CDH8: variants seen among roughly 807,000 people sequenced by gnomAD.
The protein encoded by CDH8 is cadherin 8.
In CDH8, 17 loss-of-function variants were observed where a neutral mutation model predicts 68.1. The observed-to-expected ratio is 0.25, with a 90% CI of 0.17 to 0.37. CDH8 has a LOEUF of 0.37. Ranked by LOEUF, CDH8 falls within the 10% of genes least tolerant of loss-of-function variation. CDH8 has a pLI of 1.00. For synonymous variants in CDH8, 372 were observed against 365.1 expected, an observed-to-expected ratio of 1.02 and a Z score of -0.21; for missense variants, 763 against 999.3, an observed-to-expected ratio of 0.76 and a Z score of 3.19.
rs1300690507 is a variant in CDH8, at chr16:61,864,346, A to G, written c.548-7108T>C. ...GGTTGGTTGGTTGGTTGGTTGGTTG[A>G]TTGAAAGTCTCCACCCCCTCCCCAT... On this transcript the variant is annotated intron_variant, in intron 3 of 11. Transcript: ENST00000577390. 4.7e-5 allele frequency among the ~76,000 whole-genome samples: 7 copies of G among 148,302 alleles called. No homozygotes were observed. The East Asian group carries it at 8.0e-4, about 17-fold the overall frequency.
chr16:61,731,319 C>T (rs1358256816), intron 8 of CDH8, among the ~76,000 whole-genome samples: 2 of 151,632 alleles, frequency 1.3e-5, no homozygotes, highest in Non-Finnish European at 3.0e-5. Flanking sequence ...GGAAAAATAA[C>T]AAATCTCAAA....
intron 9 of CDH8, among the ~76,000 whole-genome samples, chr16:61,724,230 T>C (rs543805572): frequency 6.6e-6 from 1 of 150,858 alleles, no homozygotes; most frequent in Non-Finnish European, 1.5e-5. Context: ...CCAATTCTAC[T>C]TTCAAATTGA....
chr16:61,686,329 C>G (rs1404313774), intron 10 of CDH8, among the ~76,000 whole-genome samples: 1 of 152,020 alleles, frequency 6.6e-6, no homozygotes, highest in Non-Finnish European at 1.5e-5. Flanking sequence ...GTCACCTACG[C>G]TATACAGGGC....
intron 8 of CDH8, among the ~76,000 whole-genome samples, chr16:61,771,507 A>T (rs1226703517): frequency 6.0e-5 from 9 of 150,690 alleles, no homozygotes; most frequent in African/African-American, 1.9e-4. Context: ...TTTTTTAACC[A>T]ATTTTTCTTT....
intron 1 of CDH8, among the ~76,000 whole-genome samples, chr16:62,027,792 T>A (rs1902229232): frequency 6.6e-6 from 1 of 152,200 alleles, no homozygotes; most frequent in Non-Finnish European, 1.5e-5. Context: ...TTTATTCAAA[T>A]ATAAATAATA....
Position 61,653,247 on chromosome 16 carries a change from G to C in CDH8, c.*361C>G. 1 of 1,175,158 alleles carries C rather than the reference G, an allele frequency of 8.5e-7. No individual in the cohort carries two copies. Among genetic ancestry groups the C allele is most frequent in the South Asian group, 4.1e-5 (1 of 24,166 alleles). The allele number at this position is 1,175,158 out of a possible 1,614,324, so 72.8% of individuals were successfully genotyped here. ...TCAGCAGCAGATTCCTTGCAGGTCC[G>C]TATTTTTTTTTCTAAGAAAGCACCT... is the stretch of plus-strand genomic sequence containing the variant. On this transcript the variant is annotated 3_prime_UTR_variant, in exon 12 of 12. Transcript: ENST00000577390.
chr16:61,670,519 C>A (rs959232388), intron 10 of CDH8, among the ~76,000 whole-genome samples: 2 of 151,960 alleles, frequency 1.3e-5, no homozygotes, highest in Non-Finnish European at 2.9e-5. Context: ...CTTATTATTA[C>A]ACTAATTTTT....
At chr16:61,877,568 T>C (rs779631607) in intron 3 of CDH8, among the ~76,000 whole-genome samples, 1 of 152,174 alleles carries the variant, frequency 6.6e-6, no homozygotes, top group Non-Finnish European at 1.5e-5. Context: ...AGTAGAGACA[T>C]TGTGAGTCAA....
At chr16:61,890,518 G>A (rs1446131688) in intron 3 of CDH8, among the ~76,000 whole-genome samples, 1 of 152,110 alleles carries the variant, frequency 6.6e-6, no homozygotes, top group Non-Finnish European at 1.5e-5. Flanking sequence ...AGAGATATAG[G>A]TTTCTAAATC....
intron 2 of CDH8, among the ~76,000 whole-genome samples, chr16:61,970,069 T>G (rs567656492): frequency 2.6e-5 from 4 of 152,354 alleles, no homozygotes; most frequent in Non-Finnish European, 4.4e-5. Context: ...ATATTAAACA[T>G]GCTCCACAAT....
chr16:61,726,330 C>T (rs1959364803), intron 9 of CDH8: 1 of 150,870 alleles, frequency 6.6e-6, no homozygotes, highest in Non-Finnish European at 1.5e-5. Flanking sequence ...TTTACACAGG[C>T]TATTTCCATT....
At position 62,021,138 on chromosome 16, in the gene CDH8, A is replaced by G. The variant is rs1181385607; in HGVS notation, c.252+14T>C. On this transcript the variant is annotated intron_variant, in intron 2 of 11. Transcript: ENST00000577390. ...AACAGACCCTGAAATTGAGATCTTA[A>G]AAACAAAGCTTACCCGGCCAACAAG... 1 of 1,612,550 alleles carries G rather than the reference A, an allele frequency of 6.2e-7. No homozygotes were observed. Among genetic ancestry groups the G allele is most frequent in the Admixed American group, 1.7e-5 (1 of 59,844 alleles).
chr16:61,995,174 A>G (rs1965788340), intron 2 of CDH8, among the ~76,000 whole-genome samples: 1 of 152,200 alleles, frequency 6.6e-6, no homozygotes, highest in South Asian at 2.1e-4. Context: ...AGACATAGAA[A>G]TTATTTCTTG....
intron 8 of CDH8, among the ~76,000 whole-genome samples, chr16:61,740,011 G>C (rs892777692): frequency 2.0e-5 from 3 of 150,278 alleles, no homozygotes; most frequent in Non-Finnish European, 4.4e-5. Flanking sequence ...GGGTTCAAGT[G>C]ATTCTCCCGC....
At chr16:61,997,045 C>T (rs1965817451) in intron 2 of CDH8, among the ~76,000 whole-genome samples, 2 of 151,500 alleles carry the variant, frequency 1.3e-5, no homozygotes, top group Non-Finnish European at 2.9e-5. Flanking sequence ...AAGTATAATC[C>T]TTTTCTGAGG....
Position 62,017,661 on chromosome 16 carries a change from C to T in CDH8, c.252+3491G>A, listed in dbSNP as rs115131350. 2.7e-3 allele frequency among the ~76,000 whole-genome samples: 407 copies of T among 152,238 alleles called. 2 individuals carry two copies. Among genetic ancestry groups the T allele is most frequent in the African/African-American group, 9.3e-3 (385 of 41,504 alleles). On this transcript the variant is annotated intron_variant, in intron 2 of 11. Transcript: ENST00000577390. ...CTGGACTCCAGCTTGAGTGACAGAG[C>T]AAGACCTTATCTTAAAAAGAAACCA...
In CDH8 at chr16:62,005,245, A is replaced by G. The variant is rs1276716117; in HGVS notation, c.252+15907T>C. Among the ~76,000 whole-genome samples, 3 of 152,328 alleles carry G rather than the reference A, an allele frequency of 2.0e-5. No individual in the cohort carries two copies. In the East Asian group the frequency reaches 5.8e-4, roughly 29 times the overall value. On this transcript the variant is annotated intron_variant, in intron 2 of 11. Transcript: ENST00000577390. ...AATCCAAGCCTAGCGAAGTATTCCT[A>G]TAGGAAGACAGCTGCAAAAGCCTTC...
At chr16:61,768,305 T>C (rs930719012) in intron 8 of CDH8, among the ~76,000 whole-genome samples, 2 of 131,292 alleles carry the variant, frequency 1.5e-5, no homozygotes, top group African/African-American at 5.6e-5. Flanking sequence ...TCTCTCTGTG[T>C]CTCTCCCTTT....
intron 2 of CDH8, among the ~76,000 whole-genome samples, chr16:61,917,063 G>A (rs1964250114): frequency 7.4e-5 from 1 of 13,538 alleles, no homozygotes; most frequent in South Asian, 2.2e-3. Context: ...TTACCTATTA[G>A]TGTGTGTGTG....
Sources: gnomAD v4.1 joint callset for allele counts (sites outside exome capture counted in the v4.1 genomes callset) on GRCh38, gnomAD v4.1.1 for gene constraint, MANE v1.5 for transcripts, NCBI Gene and HGNC (gene_info 2026-07-23, HGNC 2026-07-21) for gene names.